TIMP3: variants seen among roughly 807,000 people sequenced by gnomAD.
TIMP3 encodes the protein TIMP metallopeptidase inhibitor 3, also known as metalloproteinase inhibitor 3.
TIMP3 carries 11 observed loss-of-function variants against 30.0 expected under a neutral mutation model. That is an observed-to-expected ratio of 0.37 (90% CI 0.23 to 0.61). The LOEUF is 0.61. Ranked by LOEUF, TIMP3 falls within the 20% of genes least tolerant of loss-of-function variation. The pLI, the probability that TIMP3 is intolerant of heterozygous loss-of-function variation, is 0.70. For missense variants in TIMP3, 181 were observed against 276.8 expected, an observed-to-expected ratio of 0.65 and a Z score of 2.45; for synonymous variants, 112 against 111.3, an observed-to-expected ratio of 1.01 and a Z score of -0.04.
In TIMP3 at chr22:32,801,941, G is replaced by A; in HGVS notation, c.-61G>A. The A allele has an allele frequency of 2.0e-6, 3 of 1,531,690 alleles. No individual in the cohort carries two copies. The highest frequency in any genetic ancestry group is 2.6e-6 in the Non-Finnish European group (3 of 1,148,114). 94.9% of individuals were successfully genotyped at this position (1,531,690 alleles called of 1,614,324 possible). A position where few individuals can be genotyped will look rare whatever the true frequency, so the allele number is the denominator to read the frequency against. ...CTCGGGCTGCAGCAGCCCCGCCGGC[G>A]GCGCGCACGGCAACTTTGGAGAGGC... On this transcript the variant is annotated 5_prime_UTR_variant, in exon 1 of 5. Coordinates refer to ENST00000266085, the MANE Select transcript of TIMP3 (RefSeq NM_000362.5). The surrounding 1 kb of genome is among the most constrained non-coding windows in gnomAD (Gnocchi z 4.7).
At chr22:32,859,139 A>G (rs759920859) in intron 4 of TIMP3, 41 bp from the exon 5 acceptor site, 56 of 1,604,934 alleles carry the variant, frequency 3.5e-5, no homozygotes, top group Non-Finnish European at 4.7e-5. Flanking sequence ...TGGGCATACC[A>G]TGGCAGAGTC....
intron 2 of TIMP3, among the ~76,000 whole-genome samples, chr22:32,853,319 T>C (rs2048275360): frequency 6.6e-6 from 1 of 152,136 alleles, no homozygotes; most frequent in Admixed American, 6.6e-5. Context: ...GATAGCTCGG[T>C]CGGTCTGTAA....
intron 1 of TIMP3, among the ~76,000 whole-genome samples, chr22:32,830,724 T>A (rs1355843409): frequency 6.6e-6 from 1 of 152,060 alleles, no homozygotes; most frequent in Non-Finnish European, 1.5e-5. Flanking sequence ...CCCACAGTTG[T>A]TTCCTGTACC....
At position 32,855,845 on chromosome 22, in the gene TIMP3, C is replaced by T. The variant is rs74994994; in HGVS notation, c.205-1404C>T. Among the ~76,000 whole-genome samples the T allele has an allele frequency of 3.2e-3, 490 of 152,250 alleles. 2 individuals carry two copies. The highest frequency in any genetic ancestry group is 0.011 in the African/African-American group (460 of 41,546). The stretch of plus-strand genomic sequence containing the variant: ...TGAGAACCACTGTATTAGATTATGT[C>T]GTAGATACAAATAGCCAAATATCAG... On this transcript the variant is annotated intron_variant, in intron 2 of 4. Coordinates refer to ENST00000266085, the MANE Select transcript of TIMP3 (RefSeq NM_000362.5).
At chr22:32,833,013 G>A (rs933150738) in intron 1 of TIMP3, among the ~76,000 whole-genome samples, 2 of 151,920 alleles carry the variant, frequency 1.3e-5, no homozygotes, top group African/African-American at 2.4e-5. Flanking sequence ...GATTACAGGC[G>A]TGAGCCACCG....
rs1461236853 is a variant in TIMP3, at chr22:32,801,889, C to G, written c.-113C>G. ...GGCAGCGCGCCGGAGGCCAAGGTTG[C>G]CCCGCACGGCCCGGCGGGCGAGCGA... On this transcript the variant is annotated 5_prime_UTR_variant, in exon 1 of 5. Coordinates refer to ENST00000266085, the MANE Select transcript of TIMP3 (RefSeq NM_000362.5). This position sits in a 1 kb window ranked among gnomAD's most constrained non-coding sequence, Gnocchi z 4.7. 2 of 1,341,186 alleles carry G rather than the reference C, an allele frequency of 1.5e-6. No homozygotes were observed. The highest frequency in any genetic ancestry group is 1.6e-5 in the African/African-American group (1 of 64,208). The allele number at this position is 1,341,186 out of a possible 1,614,324, so 83.1% of individuals were successfully genotyped here. A position where few individuals can be genotyped will look rare whatever the true frequency, so the allele number is the denominator to read the frequency against.
At chr22:32,841,581 T>A (rs900668044) in intron 1 of TIMP3, among the ~76,000 whole-genome samples, 2 of 152,032 alleles carry the variant, frequency 1.3e-5, no homozygotes, top group African/African-American at 4.8e-5. Flanking sequence ...ATTTGAGATG[T>A]TTTATTAGGC....
rs140567773 is a variant in TIMP3, at chr22:32,803,163, T to C, written c.121+1041T>C. ...GCTCTGCTGGGAGAGTGTGTGTGTGTGCACTGGGCTGGGCTGGGCGGTGGG... is the reference window on the plus strand; with the variant it reads ...GCTCTGCTGGGAGAGTGTGTGTGTGCGCACTGGGCTGGGCTGGGCGGTGGG... On this transcript the variant is annotated intron_variant, in intron 1 of 4. Coordinates refer to ENST00000266085, the MANE Select transcript of TIMP3 (RefSeq NM_000362.5). 7.3e-3 allele frequency among the ~76,000 whole-genome samples: 1,108 copies of C among 152,232 alleles called. 8 individuals carry two copies. The highest frequency in any genetic ancestry group is 0.023 in the African/African-American group (965 of 41,540).
rs2048402854 is a variant in TIMP3, at chr22:32,857,480, C to T, written c.316+120C>T. 5.0e-6 allele frequency: 4 copies of T among 803,022 alleles called. No homozygotes were observed. In the Admixed American group the frequency reaches 5.9e-5, roughly 12 times the overall value. 49.7% of individuals were successfully genotyped at this position (803,022 alleles called of 1,614,324 possible). ...ATGTCCAGTAAATTGTAAGGAGTCT[C>T]TAATGTTGAATTCATCCCACTTACC... is the stretch of plus-strand genomic sequence containing the variant. On this transcript the variant is annotated intron_variant, in intron 3 of 4. Transcript: ENST00000266085.
chr22:32,812,389 C>T (rs2046938867), intron 1 of TIMP3, among the ~76,000 whole-genome samples: 1 of 152,114 alleles, frequency 6.6e-6, no homozygotes, highest in South Asian at 2.1e-4. Flanking sequence ...CATATTTGAC[C>T]ACCAAACTTC....
intron 1 of TIMP3, among the ~76,000 whole-genome samples, chr22:32,839,045 G>C (rs1419104748): frequency 2.0e-5 from 3 of 151,794 alleles, no homozygotes; most frequent in Non-Finnish European, 4.4e-5. Flanking sequence ...TCAGCTGGGT[G>C]GGTCTTGCAG....
rs564649112 is a variant in TIMP3 at position 32,812,697 on chromosome 22, G to C, written c.121+10575G>C. Among the ~76,000 whole-genome samples the C allele has an allele frequency of 2.6e-5, 4 of 152,328 alleles. No homozygotes were observed. In the South Asian group the frequency reaches 8.3e-4, roughly 32 times the overall value. Reference sequence around the variant, plus strand: ...TGTTGCTGAGAGGACTTCTCTCATGGAAGTCTGGCTCAGATGAACACATGT... The same window carrying C: ...TGTTGCTGAGAGGACTTCTCTCATGCAAGTCTGGCTCAGATGAACACATGT... On this transcript the variant is annotated intron_variant, in intron 1 of 4. Coordinates refer to ENST00000266085, the MANE Select transcript of TIMP3 (RefSeq NM_000362.5).
In TIMP3 at chr22:32,861,105, T is replaced by C. The variant is rs182942461; in HGVS notation, c.*1728T>C. 6.6e-6 allele frequency: 1 copy of C among 152,192 alleles called. No individual in the cohort carries two copies. The highest frequency in any genetic ancestry group is 2.4e-5 in the African/African-American group (1 of 41,420). 9.4% of individuals were successfully genotyped at this position (152,192 alleles called of 1,614,324 possible). ...TCTTTTTTCAGCTTATGGGTATTTATCTTCTATTAGTATTTGTATCTTCAG... is the reference window on the plus strand; with the variant it reads ...TCTTTTTTCAGCTTATGGGTATTTACCTTCTATTAGTATTTGTATCTTCAG... On this transcript the variant is annotated 3_prime_UTR_variant, in exon 5 of 5. Transcript: ENST00000266085.
intron 1 of TIMP3, among the ~76,000 whole-genome samples, chr22:32,830,400 G>A (rs779796814): frequency 6.6e-5 from 10 of 151,944 alleles, no homozygotes; most frequent in Admixed American, 1.3e-4. Flanking sequence ...TGCTTTGCCC[G>A]ACAGTCTATA....
At chr22:32,849,607 C>G in intron 2 of TIMP3, 73 bp downstream of exon 2, 2 of 1,382,512 alleles carry the variant, frequency 1.4e-6, no homozygotes, top group South Asian at 2.5e-5. Flanking sequence ...CTAAGGGAGG[C>G]AAAGTGGGTT....
At chr22:32,825,002 A>G (rs1390463163) in intron 1 of TIMP3, among the ~76,000 whole-genome samples, 3 of 152,188 alleles carry the variant, frequency 2.0e-5, no homozygotes, top group Non-Finnish European at 4.4e-5. Flanking sequence ...CTGTCTTGGG[A>G]TATCTACTCA....
chr22:32,810,989 A>G (rs1166268782), intron 1 of TIMP3, among the ~76,000 whole-genome samples: 1 of 152,160 alleles, frequency 6.6e-6, no homozygotes, highest in Non-Finnish European at 1.5e-5. Context: ...GGGGAAATAT[A>G]TTATGTACCA....
rs185769643 is a variant in TIMP3, at chr22:32,861,022, A to G, written c.*1645A>G. The G allele has an allele frequency of 6.6e-6, 1 of 151,652 alleles. No homozygotes were observed. Among genetic ancestry groups the G allele is most frequent in the Admixed American group, 6.6e-5 (1 of 15,206 alleles). The allele number at this position is 151,652 out of a possible 1,614,324, so 9.4% of individuals were successfully genotyped here. On this transcript the variant is annotated 3_prime_UTR_variant, in exon 5 of 5. Transcript: ENST00000266085. Reference sequence around the variant, plus strand: ...AGATGCTGAGAGTAGGTGATAATGTATATTTTACAGAGTGGGGGTTGGCAG... The same window carrying G: ...AGATGCTGAGAGTAGGTGATAATGTGTATTTTACAGAGTGGGGGTTGGCAG...
intron 1 of TIMP3, among the ~76,000 whole-genome samples, chr22:32,807,100 T>C (rs1399448949): frequency 1.3e-5 from 2 of 150,932 alleles, no homozygotes; most frequent in African/African-American, 2.4e-5. Flanking sequence ...CCCAGTCTCC[T>C]GACTGCCCCC....
Sources: allele counts gnomAD v4.1 joint callset (sites outside exome capture counted in the v4.1 genomes callset), GRCh38; gene constraint gnomAD v4.1.1; non-coding constraint Gnocchi (gnomAD v3.1); transcripts MANE v1.5; gene names NCBI Gene and HGNC (gene_info 2026-07-23, HGNC 2026-07-21).